Variants in ST18 observed in about 807,000 individuals in gnomAD.
The protein encoded by ST18 is suppression of tumorigenicity 18 protein.
ST18 carries 50 observed loss-of-function variants against 110.0 expected under a neutral mutation model. The ratio of observed to expected loss-of-function variants is 0.45; its 90% confidence interval spans 0.36 to 0.58. ST18 has a LOEUF of 0.58. Among genes scored for constraint, ST18 ranks in the 20% least tolerant of loss-of-function variants. ST18 has a pLI of 0.00. For synonymous variants in ST18, 461 were observed against 452.4 expected (o/e 1.02, Z -0.24); for missense variants, 1,306 against 1,280.1 (o/e 1.02, Z -0.31).
intron 2 of ST18, among the ~76,000 whole-genome samples, chr8:52,363,486 T>C (rs1440817351): frequency 6.6e-6 from 1 of 152,222 alleles, no homozygotes; most frequent in Non-Finnish European, 1.5e-5. Context: ...ATACACACCA[T>C]AGAGAGCTCT....
At chr8:52,227,628 A>T (rs1203549232) in intron 3 of ST18, among the ~76,000 whole-genome samples, 1 of 152,230 alleles carries the variant, frequency 6.6e-6, no homozygotes, top group Admixed American at 6.5e-5. Context: ...GTCAAATTAG[A>T]TACCTAAAAT....
chr8:52,238,866 T>A (rs1470390232), intron 2 of ST18, among the ~76,000 whole-genome samples: 18 of 73,936 alleles, frequency 2.4e-4, no homozygotes, highest in Admixed American at 3.8e-4. Flanking sequence ...GGGTGGGGGG[T>A]GGGAGGAGGG....
chr8:52,351,627 A>G (rs1275265829), intron 2 of ST18, among the ~76,000 whole-genome samples: 1 of 152,238 alleles, frequency 6.6e-6, no homozygotes, highest in Non-Finnish European at 1.5e-5. Context: ...TGTCCTGTCA[A>G]GTCGAACTAA....
At chr8:52,225,544 AG>A (rs1180010269) in intron 3 of ST18, among the ~76,000 whole-genome samples, 1 of 152,220 alleles carries the variant, frequency 6.6e-6, no homozygotes. Flanking sequence ...GGAATAATTG[AG>A]TCATCACACA....
intron 14 of ST18, among the ~76,000 whole-genome samples, chr8:52,159,574 C>A (rs376016855): frequency 6.6e-6 from 1 of 152,264 alleles, no homozygotes; most frequent in East Asian, 1.9e-4. Context: ...ATAACAATTT[C>A]TACTTAGACA....
At chr8:52,215,794 T>C (rs577370666) in intron 6 of ST18, among the ~76,000 whole-genome samples, 1 of 152,216 alleles carries the variant, frequency 6.6e-6, no homozygotes, top group African/African-American at 2.4e-5. Flanking sequence ...AATGGCTTGG[T>C]TTACTCAGGA....
chr8:52,351,771 A>C (rs1008266422), intron 2 of ST18, among the ~76,000 whole-genome samples: 1 of 152,212 alleles, frequency 6.6e-6, no homozygotes, highest in African/African-American at 2.4e-5. Flanking sequence ...CCATCGATCT[A>C]GCTTTGATTT....
At chr8:52,228,584 T>C (rs2136774707) in intron 3 of ST18, among the ~76,000 whole-genome samples, 1 of 152,294 alleles carries the variant, frequency 6.6e-6, no homozygotes, top group South Asian at 2.1e-4. Flanking sequence ...TCTAAATAAA[T>C]ACACCTCACC....
chr8:52,178,418 G>A (rs1587835119), intron 9 of ST18, among the ~76,000 whole-genome samples: 1 of 151,654 alleles, frequency 6.6e-6, no homozygotes, highest in East Asian at 1.9e-4. Context: ...CTTCAGGTCA[G>A]GAGTTTGAGA....
At chr8:52,341,071 A>C (rs1208070939) in intron 2 of ST18, among the ~76,000 whole-genome samples, 2 of 152,168 alleles carry the variant, frequency 1.3e-5, no homozygotes, top group Admixed American at 1.3e-4. Context: ...TTCTCTTCTA[A>C]CTGCAACCCC....
At chr8:52,139,505 A>G (rs2053977054) in intron 17 of ST18, among the ~76,000 whole-genome samples, 1 of 151,976 alleles carries the variant, frequency 6.6e-6, no homozygotes, top group Admixed American at 6.6e-5. Flanking sequence ...ACAGGCGTGT[A>G]CCACCATGCC....
Position 52,116,354 on chromosome 8 carries a change from T to C in ST18, c.2924A>G (p.Asn975Ser). The C allele has an allele frequency of 6.2e-7, 1 of 1,614,036 alleles. No individual in the cohort carries two copies. The change falls in exon 25 of 26, where the codon AAT becomes AGT. Residue 975 changes from asparagine to serine, a missense_variant. Asn to Ser is a conservative substitution (Grantham distance 46, BLOSUM62 1). Coordinates refer to ENST00000689386, the MANE Select transcript of ST18 (RefSeq NM_001352837.2). Reference sequence around the variant, plus strand: ...TGCCAGCTCTTTCAGCAGACTTTCATTGTTCTGTTCTATGAGTTTGTTCTC... The same window carrying C: ...TGCCAGCTCTTTCAGCAGACTTTCACTGTTCTGTTCTATGAGTTTGTTCTC... ...EEENKLIEQN[N>S]ESLLKELAGL...
intron 2 of ST18, among the ~76,000 whole-genome samples, chr8:52,236,480 G>A (rs2092692392): frequency 6.6e-6 from 1 of 152,002 alleles, no homozygotes; most frequent in South Asian, 2.1e-4. Context: ...CATGGTGGCG[G>A]GTGCCTGTAA....
At chr8:52,378,398 T>A (rs1833220590) in intron 2 of ST18, among the ~76,000 whole-genome samples, 1 of 152,024 alleles carries the variant, frequency 6.6e-6, no homozygotes, top group African/African-American at 2.4e-5. Flanking sequence ...AATAATTAAA[T>A]TTTTTTTAAA....
At chr8:52,127,674 C>T (rs1204409897) in intron 22 of ST18, among the ~76,000 whole-genome samples, 7 of 152,112 alleles carry the variant, frequency 4.6e-5, no homozygotes, top group Non-Finnish European at 8.8e-5. Flanking sequence ...GTTAATGAAG[C>T]GTCCATCCAT....
chr8:52,174,836 C>G (rs748224604), intron 9 of ST18, among the ~76,000 whole-genome samples: 7 of 152,196 alleles, frequency 4.6e-5, no homozygotes, highest in Non-Finnish European at 1.0e-4. Flanking sequence ...CCACATTCCA[C>G]CCCCCTCCCA....
intron 2 of ST18, among the ~76,000 whole-genome samples, chr8:52,307,679 C>A (rs957859504): frequency 2.0e-5 from 3 of 152,166 alleles, no homozygotes; most frequent in Non-Finnish European, 4.4e-5. Context: ...CCTTTTATTT[C>A]TTATGTATGA....
intron 2 of ST18, among the ~76,000 whole-genome samples, chr8:52,400,952 T>A (rs762433664): frequency 6.6e-6 from 1 of 152,186 alleles, no homozygotes; most frequent in Non-Finnish European, 1.5e-5. Flanking sequence ...ATAGTAATCA[T>A]CATCCTTTTG....
intron 2 of ST18, among the ~76,000 whole-genome samples, chr8:52,259,215 C>T (rs2094609363): frequency 6.6e-6 from 1 of 152,160 alleles, no homozygotes; most frequent in African/African-American, 2.4e-5. Context: ...GTCAACTGGA[C>T]CCCAAGCTCA....
Sources: allele counts gnomAD v4.1 joint callset (sites outside exome capture counted in the v4.1 genomes callset), GRCh38; gene constraint gnomAD v4.1.1; transcripts MANE v1.5; gene names NCBI Gene and HGNC (gene_info 2026-07-23, HGNC 2026-07-21).